The following PTPRT variants were observed in gnomAD, a reference collection of about 807,000 sequenced individuals.
PTPRT encodes the protein protein tyrosine phosphatase receptor type T.
Under a neutral mutation model 176.8 loss-of-function variants are expected in PTPRT, and 56 were observed. The ratio of observed to expected loss-of-function variants is 0.32; its 90% CI spans 0.26 to 0.40. The LOEUF (loss-of-function observed/expected upper bound fraction) is 0.40, where lower values mean the gene tolerates loss of function less well. Among genes scored for constraint, PTPRT ranks in the 10% least tolerant of loss-of-function variants. The probability of loss-of-function intolerance (pLI) is 1.00; values close to 1 mark genes in which losing one functional copy is unlikely to be tolerated. For synonymous variants in PTPRT, 783 were observed against 739.0 expected, an observed-to-expected ratio of 1.06 and a Z score of -0.96; for missense variants, 1,540 against 1,908.2, an observed-to-expected ratio of 0.81 and a Z score of 3.60.
chr20:42,210,350 G>A (rs1301748689), intron 15 of PTPRT, among the ~76,000 whole-genome samples: 1 of 151,992 alleles, frequency 6.6e-6, no homozygotes, highest in Non-Finnish European at 1.5e-5. Context: ...AAAAGAGGAA[G>A]TCAAATTGTC....
chr20:42,911,009 A>G (rs539372412), intron 1 of PTPRT, among the ~76,000 whole-genome samples: 55 of 152,126 alleles, frequency 3.6e-4, no homozygotes, highest in Non-Finnish European at 6.8e-4. Flanking sequence ...TCTCGTGAGA[A>G]CTTGCTCACT....
At position 42,285,512 on chromosome 20, in the gene PTPRT, A is replaced by G. The variant is rs147385044; in HGVS notation, c.2140-2987T>C. Among the ~76,000 whole-genome samples the G allele has an allele frequency of 2.2e-4, 33 of 152,126 alleles. 1 individual carries two copies. In the East Asian group the frequency reaches 6.0e-3, roughly 28 times the overall value. On this transcript the variant is annotated intron_variant, in intron 12 of 30. Coordinates refer to ENST00000373187, the MANE Select transcript of PTPRT (RefSeq NM_007050.6). ...GTCTTATCTGTCCAGACATCTAAGA[A>G]TCTTTTCTCAGGGAATAACTTTAAA...
intron 9 of PTPRT, among the ~76,000 whole-genome samples, chr20:42,368,843 C>T (rs1248317094): frequency 6.6e-6 from 1 of 152,148 alleles, no homozygotes; most frequent in African/African-American, 2.4e-5. Context: ...CTCATACTGG[C>T]TTCTTGCCTT....
chr20:42,822,927 T>C (rs2077922653), intron 2 of PTPRT, among the ~76,000 whole-genome samples: 1 of 152,092 alleles, frequency 6.6e-6, no homozygotes, highest in Admixed American at 6.6e-5. Flanking sequence ...GAAATGTAAA[T>C]GATTTTACAC....
chr20:42,158,643 CA>C (rs1378773903), intron 17 of PTPRT, among the ~76,000 whole-genome samples: 10 of 152,242 alleles, frequency 6.6e-5, no homozygotes, highest in African/African-American at 2.2e-4. Flanking sequence ...CCTTGATGAT[CA>C]AAGCAATCCA....
At chr20:42,147,409 C>T (rs578255073) in intron 17 of PTPRT, among the ~76,000 whole-genome samples, 1 of 152,318 alleles carries the variant, frequency 6.6e-6, no homozygotes, top group South Asian at 2.1e-4. Flanking sequence ...CTCACCACTT[C>T]TCCAACTTTT....
At chr20:42,649,661 G>T (rs2074993067) in intron 7 of PTPRT, among the ~76,000 whole-genome samples, 1 of 152,144 alleles carries the variant, frequency 6.6e-6, no homozygotes, top group Non-Finnish European at 1.5e-5. Context: ...CATCTCTGGG[G>T]AGTATGGGAA....
chr20:42,452,844 A>G (rs2070855581), intron 8 of PTPRT, among the ~76,000 whole-genome samples: 1 of 152,192 alleles, frequency 6.6e-6, no homozygotes, highest in South Asian at 2.1e-4. Context: ...CTTACACGTT[A>G]ATATTTCTGA....
At chr20:42,230,185 G>T (rs2056105200) in intron 15 of PTPRT, among the ~76,000 whole-genome samples, 1 of 152,142 alleles carries the variant, frequency 6.6e-6, no homozygotes. Flanking sequence ...AGATGGAGGA[G>T]ATCAGAAGGC....
intron 2 of PTPRT, among the ~76,000 whole-genome samples, chr20:42,856,885 A>G (rs2078572982): frequency 6.6e-6 from 1 of 152,134 alleles, no homozygotes; most frequent in African/African-American, 2.4e-5. Context: ...AGGAGGAGAA[A>G]AAAGGGAGAG....
chr20:42,136,777 G>GT (rs1418829335), intron 18 of PTPRT, among the ~76,000 whole-genome samples: 3 of 152,210 alleles, frequency 2.0e-5, no homozygotes, highest in Non-Finnish European at 4.4e-5. Flanking sequence ...AGTAGTTGTT[G>GT]TCGGGGGGTG....
Position 42,562,610 on chromosome 20 carries a change from G to A in PTPRT, c.1154-90048C>T, listed in dbSNP as rs149559973. On this transcript the variant is annotated intron_variant, in intron 7 of 30. Transcript: ENST00000373187. ...AGAAATATGCATTCATTTCTCCTGC[G>A]TTTATTCCATGGTCCAGTACCAGGG... is the stretch of plus-strand genomic sequence containing the variant. Among the ~76,000 whole-genome samples, 183 of 152,212 alleles carry A rather than the reference G, an allele frequency of 1.2e-3. No homozygotes were observed. In the East Asian group the frequency reaches 0.03, roughly 25 times the overall value.
At chr20:42,485,894 G>T (rs916501644) in intron 7 of PTPRT, among the ~76,000 whole-genome samples, 8 of 152,198 alleles carry the variant, frequency 5.3e-5, no homozygotes, top group African/African-American at 1.9e-4. Flanking sequence ...TCAGTTGAGG[G>T]AGGCTTATTT....
intron 7 of PTPRT, among the ~76,000 whole-genome samples, chr20:42,496,904 T>A (rs952603957): frequency 6.6e-6 from 1 of 152,146 alleles, no homozygotes; most frequent in Non-Finnish European, 1.5e-5. Context: ...TTAAAGATCC[T>A]CATGACCCCT....
At chr20:42,757,097 G>A (rs186659922) in intron 5 of PTPRT, among the ~76,000 whole-genome samples, 11 of 151,146 alleles carry the variant, frequency 7.3e-5, no homozygotes, top group Middle Eastern at 3.4e-3. Flanking sequence ...TTTCATGGCT[G>A]GTTTGTGCTA....
chr20:42,363,310 T>A (rs1420922708), intron 9 of PTPRT, among the ~76,000 whole-genome samples: 3 of 102,474 alleles, frequency 2.9e-5, no homozygotes, highest in Admixed American at 1.0e-4. Context: ...ATTTTTTTTT[T>A]TTTTTTTTTT....
intron 1 of PTPRT, among the ~76,000 whole-genome samples, chr20:43,134,313 G>T (rs551506486): frequency 6.6e-6 from 1 of 152,296 alleles, no homozygotes; most frequent in South Asian, 2.1e-4. Context: ...GCCCATCTGT[G>T]TACTTCCTTG....
rs1402258013 is a variant in PTPRT, at chr20:43,059,514, T to C, written c.88+130132A>G. Reference sequence around the variant, plus strand: ...TTGATAAGAGATTGTCTTTTCTCCATTGCCCAATAACGTGGCTCTCATCTC... The same window carrying C: ...TTGATAAGAGATTGTCTTTTCTCCACTGCCCAATAACGTGGCTCTCATCTC... On this transcript the variant is annotated intron_variant, in intron 1 of 30. Coordinates refer to ENST00000373187, the MANE Select transcript of PTPRT (RefSeq NM_007050.6). Among the ~76,000 whole-genome samples, 6 of 152,348 alleles carry C rather than the reference T, an allele frequency of 3.9e-5. No individual in the cohort carries two copies. The East Asian group carries it at 9.6e-4, about 24-fold the overall frequency.
chr20:42,881,131 T>C (rs1388619713), intron 2 of PTPRT, among the ~76,000 whole-genome samples: 3 of 152,088 alleles, frequency 2.0e-5, no homozygotes, highest in African/African-American at 7.2e-5. Context: ...AGAAAACATT[T>C]AGAAAAACCA....
Sources: allele counts gnomAD v4.1 joint callset (sites outside exome capture counted in the v4.1 genomes callset), GRCh38; gene constraint gnomAD v4.1.1; transcripts MANE v1.5; gene names NCBI Gene and HGNC (gene_info 2026-07-23, HGNC 2026-07-21).